The following CSMD3 variants were observed in gnomAD, a reference collection of about 807,000 sequenced individuals.
CSMD3 encodes the protein CUB and sushi domain-containing protein 3.
CSMD3 carries 177 observed loss-of-function variants against 435.2 expected under a neutral mutation model. The observed-to-expected ratio is 0.41, with a 90% confidence interval of 0.36 to 0.46. The LOEUF is 0.46. Ranked by LOEUF, CSMD3 falls within the 20% of genes least tolerant of loss-of-function variation. The pLI is 0.34. For synonymous variants in CSMD3, 1,656 were observed against 1,520.5 expected, an observed-to-expected ratio of 1.09 and a Z score of -2.07; for missense variants, 4,265 against 4,504.6, an observed-to-expected ratio of 0.95 and a Z score of 1.52.
At chr8:112,837,369 T>C (rs2080056580) in intron 11 of CSMD3, among the ~76,000 whole-genome samples, 2 of 151,780 alleles carry the variant, frequency 1.3e-5, no homozygotes, top group South Asian at 4.1e-4. Flanking sequence ...CCAATACCAA[T>C]ACCAATACCA....
At chr8:112,335,702 G>T (rs1315128871) in intron 44 of CSMD3, among the ~76,000 whole-genome samples, 1 of 149,712 alleles carries the variant, frequency 6.7e-6, no homozygotes, top group African/African-American at 2.5e-5. Context: ...TAAATGGAAT[G>T]TACTCATATT....
At chr8:113,233,251 T>C (rs2093109734) in intron 3 of CSMD3, among the ~76,000 whole-genome samples, 1 of 148,716 alleles carries the variant, frequency 6.7e-6, no homozygotes, top group Non-Finnish European at 1.5e-5. Flanking sequence ...ACTGTTCATA[T>C]ATTTGGGCTT....
At chr8:112,999,761 T>G (rs2085793958) in intron 6 of CSMD3, among the ~76,000 whole-genome samples, 1 of 151,614 alleles carries the variant, frequency 6.6e-6, no homozygotes, top group Admixed American at 6.6e-5. Flanking sequence ...AAGGCAGGAC[T>G]TGCTGATATG....
chr8:112,946,398 T>G (rs920617402), intron 9 of CSMD3, among the ~76,000 whole-genome samples: 3 of 151,694 alleles, frequency 2.0e-5, no homozygotes, highest in Admixed American at 6.6e-5. Context: ...TTGTTTGACT[T>G]TAAAGTGCAA....
rs1819307538 is a variant in CSMD3, at chr8:112,287,344, G to A, written c.9149-98C>T. ...CTGGTAGGCATTTGTTTTTGTGCAT[G>A]CGGTGTTTTAGCACAGATGGAGTAA... On this transcript the variant is annotated intron_variant, in intron 57 of 70. Coordinates refer to ENST00000297405, the MANE Select transcript of CSMD3 (RefSeq NM_198123.2). The A allele has an allele frequency of 2.9e-5, 32 of 1,118,636 alleles. No homozygotes were observed. The Middle Eastern group carries it at 1.4e-3, about 50-fold the overall frequency. 69.3% of individuals were successfully genotyped at this position (1,118,636 alleles called of 1,614,324 possible). A position where few individuals can be genotyped will look rare whatever the true frequency, so the allele number is the denominator to read the frequency against.
intron 27 of CSMD3, among the ~76,000 whole-genome samples, chr8:112,533,896 A>G (rs1224985515): frequency 6.6e-6 from 1 of 152,084 alleles, no homozygotes; most frequent in East Asian, 1.9e-4. Flanking sequence ...GACAAATTCC[A>G]CAATATTTGA....
chr8:112,363,364 G>A (rs532499539), intron 38 of CSMD3, among the ~76,000 whole-genome samples: 2 of 151,846 alleles, frequency 1.3e-5, no homozygotes, highest in Admixed American at 1.3e-4. Flanking sequence ...TTCTTGTCAC[G>A]AAGGGTATAT....
At chr8:112,448,919 T>C (rs1404764111) in intron 32 of CSMD3, among the ~76,000 whole-genome samples, 1 of 152,192 alleles carries the variant, frequency 6.6e-6, no homozygotes, top group African/African-American at 2.4e-5. Flanking sequence ...ATATTCAAGC[T>C]GTTCTTTGAT....
chr8:112,672,098 T>A (rs1280112041), intron 16 of CSMD3, among the ~76,000 whole-genome samples: 9 of 152,188 alleles, frequency 5.9e-5, no homozygotes, highest in Non-Finnish European at 1.3e-4. Context: ...AGTACATGCT[T>A]GAGCTGGGTA....
intron 11 of CSMD3, among the ~76,000 whole-genome samples, chr8:112,853,315 T>C (rs976372718): frequency 2.6e-5 from 4 of 152,076 alleles, no homozygotes; most frequent in Non-Finnish European, 5.9e-5. Context: ...AAGCTCTGCC[T>C]CCCGGGTTCA....
At chr8:113,310,453 T>C (rs2093858976) in intron 2 of CSMD3, 1 of 151,932 alleles carries the variant, frequency 6.6e-6, no homozygotes, top group Non-Finnish European at 1.5e-5. Context: ...GAAATATTTT[T>C]GTCACAAAAA....
intron 5 of CSMD3, among the ~76,000 whole-genome samples, chr8:113,029,678 G>A (rs2087010049): frequency 6.6e-6 from 1 of 151,506 alleles, no homozygotes; most frequent in East Asian, 1.9e-4. Context: ...TATACTGAAT[G>A]GGGAAAAGTT....
At chr8:113,413,201 A>G (rs926065924) in intron 1 of CSMD3, among the ~76,000 whole-genome samples, 7 of 152,110 alleles carry the variant, frequency 4.6e-5, no homozygotes, top group African/African-American at 1.4e-4. Flanking sequence ...ATTGCTTCAT[A>G]AGGATTATAT....
chr8:112,833,209 A>G (rs2079926923), intron 11 of CSMD3, among the ~76,000 whole-genome samples: 1 of 152,076 alleles, frequency 6.6e-6, no homozygotes, highest in African/African-American at 2.4e-5. Flanking sequence ...TGGGCTTTCT[A>G]ATGGAATTGC....
At chr8:112,899,501 T>C (rs1375618650) in intron 10 of CSMD3, among the ~76,000 whole-genome samples, 3 of 144,934 alleles carry the variant, frequency 2.1e-5, no homozygotes, top group Admixed American at 7.0e-5. Flanking sequence ...AAAGACTTCT[T>C]ACTATATATT....
intron 27 of CSMD3, among the ~76,000 whole-genome samples, chr8:112,545,482 C>CA (rs71566032): frequency 0.025 from 683 of 26,822 alleles, 44 homozygotes; most frequent in Middle Eastern, 0.065. Context: ...GACTCCATCT[C>CA]AAAAAAAAAA....
At chr8:112,565,538 A>G (rs1828991583) in intron 24 of CSMD3, among the ~76,000 whole-genome samples, 1 of 152,150 alleles carries the variant, frequency 6.6e-6, no homozygotes, top group African/African-American at 2.4e-5. Context: ...AGATTATTAA[A>G]TGATTTCAAG....
chr8:112,713,700 G>T (rs1227235756), intron 13 of CSMD3, among the ~76,000 whole-genome samples: 1 of 152,132 alleles, frequency 6.6e-6, no homozygotes, highest in Admixed American at 6.6e-5. Context: ...ACAAGTGGAA[G>T]CCCACCAAAC....
chr8:113,200,081 C>T (rs1275627708), intron 3 of CSMD3, among the ~76,000 whole-genome samples: 1 of 151,854 alleles, frequency 6.6e-6, no homozygotes, highest in Non-Finnish European at 1.5e-5. Flanking sequence ...TTTCACGTAT[C>T]CAAAATGGGC....
Sources: allele counts gnomAD v4.1 joint callset (sites outside exome capture counted in the v4.1 genomes callset), GRCh38; gene constraint gnomAD v4.1.1; transcripts MANE v1.5; gene names NCBI Gene and HGNC (gene_info 2026-07-23, HGNC 2026-07-21).